LAMB4: variants seen among roughly 807,000 people sequenced by gnomAD.
LAMB4 encodes the protein laminin subunit beta 4.
A neutral mutation model predicts 199.2 loss-of-function variants in LAMB4; 196 were observed. The ratio of observed to expected loss-of-function variants is 0.98; its 90% CI spans 0.88 to 1.11. LAMB4 has a LOEUF of 1.11. LAMB4 is among the 50% of genes least tolerant of loss of function. The pLI is 0.00. For missense variants in LAMB4, 2,080 were observed against 2,171.2 expected, an observed-to-expected ratio of 0.96 and a Z score of 0.83; for synonymous variants, 744 against 770.6, an observed-to-expected ratio of 0.97 and a Z score of 0.57.
chr7:108,040,458 C>T (rs375729693), intron 29 of LAMB4, among the ~76,000 whole-genome samples: 2 of 152,166 alleles, frequency 1.3e-5, no homozygotes, highest in Admixed American at 6.5e-5. Flanking sequence ...CCAAGGCAAT[C>T]CTAAGCAAAA....
intron 4 of LAMB4, among the ~76,000 whole-genome samples, chr7:108,110,924 T>C (rs73197623): frequency 0.03 from 4,618 of 151,704 alleles, 142 homozygotes; most frequent in East Asian, 0.17. Flanking sequence ...CTAAACTATC[T>C]TATATATTAT....
chr7:108,107,709 T>A lies in LAMB4; in HGVS notation c.513A>T (p.Thr171=), dbSNP rs1161081061. 2 of 1,613,708 alleles carry A rather than the reference T, an allele frequency of 1.2e-6. No homozygotes were observed. Among genetic ancestry groups the A allele is most frequent in the African/African-American group, 1.3e-5 (1 of 74,922 alleles). Residue 171 remains threonine, a synonymous_variant, in exon 6 of 34, where the codon ACA becomes ACT. Transcript: ENST00000388781. ...KDCATSFPNI[T]SGQAQGVGDI... is the part of the protein sequence containing the mutation. ...CTCCCACTCCCTGGGCCTGGCCAGA[T>A]GTGATGTTAGGAAAGGAAGTGGCAC...
intron 29 of LAMB4, among the ~76,000 whole-genome samples, chr7:108,043,050 C>A (rs1043332689): frequency 1.3e-5 from 2 of 150,816 alleles, no homozygotes; most frequent in African/African-American, 4.9e-5. Context: ...TTTACTAATT[C>A]TCTGGAGTTT....
In LAMB4 at chr7:108,070,060, TA is replaced by T. The variant is rs1309741084; in HGVS notation, c.2125-176del. Among the ~76,000 whole-genome samples, 5 of 152,196 alleles carry T rather than the reference TA, an allele frequency of 3.3e-5. 1 individual carries two copies. Among genetic ancestry groups the T allele is most frequent in the Non-Finnish European group, 5.9e-5 (4 of 68,032 alleles). On this transcript the variant is annotated intron_variant, in intron 17 of 33. Coordinates refer to ENST00000388781, the MANE Select transcript of LAMB4 (RefSeq NM_007356.3). ...ATTTTCAATTTATTTAAGAAATCTT[TA>T]AATATTTATATTTCTGGACTTGTGG...
chr7:108,077,153 T>G, intron 16 of LAMB4, 89 bp from the exon 17 acceptor site: 1 of 1,366,132 alleles, frequency 7.3e-7, no homozygotes. Flanking sequence ...GCATTGCACT[T>G]GTACTGGGCA....
At chr7:108,120,139 T>A (rs2038548826) in intron 2 of LAMB4, among the ~76,000 whole-genome samples, 1 of 152,206 alleles carries the variant, frequency 6.6e-6, no homozygotes, top group South Asian at 2.1e-4. Flanking sequence ...TAATAAAAAA[T>A]AATAACCATA....
rs979112617 is a variant in LAMB4, at chr7:108,064,882, T to C, written c.2836+880A>G. Among the ~76,000 whole-genome samples, 12 of 150,314 alleles carry C rather than the reference T, an allele frequency of 8.0e-5. No individual in the cohort carries two copies. In the South Asian group the frequency reaches 2.5e-3, roughly 31 times the overall value. On this transcript the variant is annotated intron_variant, in intron 21 of 33. Transcript: ENST00000388781. Reference sequence around the variant, plus strand: ...AGTAAACATTCACACTCATGTTTCATGTGTAAATACCTTTTTTTTTTTTTT... The same window carrying C: ...AGTAAACATTCACACTCATGTTTCACGTGTAAATACCTTTTTTTTTTTTTT...
intron 8 of LAMB4, 102 bp from the exon 9 acceptor site, chr7:108,104,721 A>T: frequency 7.6e-7 from 1 of 1,315,740 alleles, no homozygotes; most frequent in Non-Finnish European, 1.0e-6. Flanking sequence ...TACCTCTCTG[A>T]TCCTTAGTTT....
At chr7:108,034,714 T>C (rs1251901032) in intron 30 of LAMB4, among the ~76,000 whole-genome samples, 3 of 151,434 alleles carry the variant, frequency 2.0e-5, no homozygotes, top group Non-Finnish European at 4.4e-5. Flanking sequence ...TCTATTGGAG[T>C]GGGGGTTGGG....
intron 25 of LAMB4, among the ~76,000 whole-genome samples, 196 bp downstream of exon 25, chr7:108,055,436 C>G (rs2035950835): frequency 6.6e-6 from 1 of 151,872 alleles, no homozygotes; most frequent in African/African-American, 2.4e-5. Flanking sequence ...ATCCACCCGC[C>G]TCAACCTCCC....
At chr7:108,115,892 G>T (rs2038387345) in intron 3 of LAMB4, 112 bp downstream of exon 3, 3 of 1,180,502 alleles carry the variant, frequency 2.5e-6, no homozygotes, top group Non-Finnish European at 2.4e-6. Context: ...TGTCTCCATT[G>T]TTTAAAAAGG....
downstream of LAMB4, among the ~76,000 whole-genome samples, chr7:108,018,809 C>T (rs115677846): frequency 2.8e-4 from 42 of 152,316 alleles, no homozygotes; most frequent in Non-Finnish European, 1.2e-4. Context: ...TGTCCCCTGC[C>T]TGGTGCTGGC....
At chr7:108,116,234 T>C in intron 2 of LAMB4, 73 bp from the exon 3 acceptor site, 1 of 1,388,332 alleles carries the variant, frequency 7.2e-7, no homozygotes, top group Non-Finnish European at 9.8e-7. Flanking sequence ...AATGACTGGT[T>C]AAGGGGGAAA....
intron 28 of LAMB4, among the ~76,000 whole-genome samples, chr7:108,046,236 ATTTT>A (rs559845089): frequency 0.14 from 18,004 of 132,784 alleles, 2,092 homozygotes; most frequent in African/African-American, 0.32. Flanking sequence ...TCCTGGCTAA[ATTTT>A]TTTTTTTTTT....
intron 2 of LAMB4, among the ~76,000 whole-genome samples, chr7:108,117,471 C>A (rs1054750148): frequency 9.2e-5 from 14 of 152,146 alleles, no homozygotes; most frequent in African/African-American, 3.1e-4. Context: ...TGGAATCTTA[C>A]TGGGGGTTAA....
chr7:108,122,632 G>A (rs942289299), intron 2 of LAMB4, among the ~76,000 whole-genome samples: 1 of 152,230 alleles, frequency 6.6e-6, no homozygotes, highest in Non-Finnish European at 1.5e-5. Flanking sequence ...AGAAAAGTCA[G>A]ATCAAAGAGA....
intron 9 of LAMB4, 80 bp from the exon 10 acceptor site, chr7:108,103,312 C>G: frequency 8.7e-7 from 1 of 1,148,524 alleles, no homozygotes; most frequent in Non-Finnish European, 1.2e-6. Flanking sequence ...GGTCAGGGCA[C>G]CCGCTAGTCC....
rs1017040751 is a variant in LAMB4 at position 108,079,703 on chromosome 7, T to C, written c.1785A>G (p.Gly595=). ...CAGGGAGAACCCTGGCAAATCCAGGTCCAGTCCATGTAACAGGGTTCCCAG... is the reference window on the plus strand; with the variant it reads ...CAGGGAGAACCCTGGCAAATCCAGGCCCAGTCCATGTAACAGGGTTCCCAG... The part of the protein sequence containing the change: ...PVPGNPVTWT[G]PGFARVLPGA... The change falls in exon 15 of 34, where the codon GGA becomes GGG. Residue 595 remains glycine, a synonymous_variant. Coordinates refer to ENST00000388781, the MANE Select transcript of LAMB4 (RefSeq NM_007356.3). The C allele has an allele frequency of 6.2e-7, 1 of 1,612,688 alleles. No individual in the cohort carries two copies. Among genetic ancestry groups the C allele is most frequent in the South Asian group, 1.1e-5 (1 of 90,586 alleles).
At chr7:108,045,562 A>T (rs763952405) in intron 28 of LAMB4, among the ~76,000 whole-genome samples, 1 of 152,258 alleles carries the variant, frequency 6.6e-6, no homozygotes, top group African/African-American at 2.4e-5. Flanking sequence ...ATAGCTTAAC[A>T]TATTATTGAC....
Sources: allele counts gnomAD v4.1 joint callset (sites outside exome capture counted in the v4.1 genomes callset), GRCh38; gene constraint gnomAD v4.1.1; transcripts MANE v1.5; gene names NCBI Gene and HGNC (gene_info 2026-07-23, HGNC 2026-07-21).